The following ST6GALNAC3 variants were observed in gnomAD, a reference collection of about 807,000 sequenced individuals.
The protein encoded by ST6GALNAC3 is alpha-N-acetylgalactosaminide alpha-2,6-sialyltransferase 3.
ST6GALNAC3 carries 25 observed loss-of-function variants against 32.7 expected under a neutral mutation model. The observed-to-expected ratio is 0.76, with a 90% CI of 0.56 to 1.07. ST6GALNAC3 has a LOEUF of 1.07. Ranked by LOEUF, ST6GALNAC3 falls within the 50% of genes least tolerant of loss-of-function variation. The probability of loss-of-function intolerance (pLI) is 0.00; values close to 1 mark genes in which losing one functional copy is unlikely to be tolerated. For missense variants in ST6GALNAC3, 355 were observed against 382.4 expected (o/e 0.93, Z 0.60); for synonymous variants, 129 against 133.1 (o/e 0.97, Z 0.21).
chr1:76,114,160 A>G (rs959841392), intron 1 of ST6GALNAC3, among the ~76,000 whole-genome samples: 4 of 152,062 alleles, frequency 2.6e-5, no homozygotes, highest in South Asian at 2.1e-4. Flanking sequence ...TGAAATTTCT[A>G]TCCTAAAACA....
At chr1:76,588,059 C>A (rs954399560) in intron 3 of ST6GALNAC3, among the ~76,000 whole-genome samples, 1 of 152,066 alleles carries the variant, frequency 6.6e-6, no homozygotes, top group African/African-American at 2.4e-5. Context: ...CCATTTTTAC[C>A]GGCAGCCAGT....
chr1:76,259,103 G>T (rs1658084628), intron 1 of ST6GALNAC3, among the ~76,000 whole-genome samples: 2 of 152,086 alleles, frequency 1.3e-5, no homozygotes. Flanking sequence ...TGCATGTTCT[G>T]AAAGAATACA....
intron 1 of ST6GALNAC3, among the ~76,000 whole-genome samples, chr1:76,206,688 G>A (rs1320990793): frequency 2.0e-5 from 3 of 151,768 alleles, no homozygotes; most frequent in Non-Finnish European, 2.9e-5. Flanking sequence ...AGCTGAGATC[G>A]CGCCACTGCA....
At chr1:76,095,593 G>A (rs913304037) in intron 1 of ST6GALNAC3, among the ~76,000 whole-genome samples, 1 of 152,150 alleles carries the variant, frequency 6.6e-6, no homozygotes, top group Non-Finnish European at 1.5e-5. Context: ...GAAAATGAAG[G>A]CAAAGCTGCC....
intron 3 of ST6GALNAC3, among the ~76,000 whole-genome samples, chr1:76,553,899 T>G (rs1405158218): frequency 1.3e-5 from 2 of 152,152 alleles, no homozygotes; most frequent in Non-Finnish European, 2.9e-5. Flanking sequence ...CTAATTACAC[T>G]CACGTATTCA....
intron 1 of ST6GALNAC3, among the ~76,000 whole-genome samples, chr1:76,168,274 T>C (rs765887340): frequency 6.6e-6 from 1 of 152,222 alleles, no homozygotes; most frequent in Non-Finnish European, 1.5e-5. Context: ...AGTTATTCAA[T>C]TTTCATGTAA....
intron 1 of ST6GALNAC3, among the ~76,000 whole-genome samples, chr1:76,170,419 C>T (rs932379353): frequency 6.6e-6 from 1 of 152,090 alleles, no homozygotes; most frequent in East Asian, 1.9e-4. Flanking sequence ...TTCTCTGTGC[C>T]CCATAAGCAG....
At chr1:76,154,332 A>C (rs1191454740) in intron 1 of ST6GALNAC3, among the ~76,000 whole-genome samples, 1 of 152,050 alleles carries the variant, frequency 6.6e-6, no homozygotes, top group Non-Finnish European at 1.5e-5. Context: ...TCTTAAAGCA[A>C]TCGTACTGGG....
intron 1 of ST6GALNAC3, among the ~76,000 whole-genome samples, chr1:76,184,129 T>C (rs1323796446): frequency 6.6e-6 from 1 of 152,094 alleles, no homozygotes; most frequent in Non-Finnish European, 1.5e-5. Flanking sequence ...ATTAACTGTG[T>C]TATTGATTAC....
chr1:76,465,141 G>A (rs1658542830), intron 3 of ST6GALNAC3, among the ~76,000 whole-genome samples: 2 of 152,146 alleles, frequency 1.3e-5, no homozygotes, highest in African/African-American at 4.8e-5. Context: ...AAAGGACCTG[G>A]GGAACCCCCA....
At chr1:76,121,936 A>G (rs921279518) in intron 1 of ST6GALNAC3, among the ~76,000 whole-genome samples, 4 of 152,162 alleles carry the variant, frequency 2.6e-5, no homozygotes, top group African/African-American at 9.7e-5. Flanking sequence ...TACCTGGAAC[A>G]TGCCTGGAAT....
chr1:76,356,297 A>C (rs1261660290), intron 2 of ST6GALNAC3, among the ~76,000 whole-genome samples: 1 of 152,196 alleles, frequency 6.6e-6, no homozygotes, highest in Non-Finnish European at 1.5e-5. Context: ...GAAGCAGGCA[A>C]TTCATTTTGA....
chr1:76,325,984 G>A (rs1647061502), intron 2 of ST6GALNAC3, among the ~76,000 whole-genome samples: 1 of 151,910 alleles, frequency 6.6e-6, no homozygotes, highest in Non-Finnish European at 1.5e-5. Flanking sequence ...TTAAGTAGAT[G>A]GGAAATCTTG....
intron 2 of ST6GALNAC3, among the ~76,000 whole-genome samples, chr1:76,338,712 CT>C (rs35590212): frequency 0.11 from 15,843 of 150,178 alleles, 694 homozygotes; most frequent in Non-Finnish European, 0.13. Context: ...ACCCCCACCC[CT>C]AATGAAGAAT....
intron 3 of ST6GALNAC3, among the ~76,000 whole-genome samples, chr1:76,624,535 G>C (rs1028485841): frequency 1.3e-5 from 2 of 151,868 alleles, no homozygotes; most frequent in Non-Finnish European, 2.9e-5. Context: ...ATGTCACAAA[G>C]AGGATCTTCC....
intron 3 of ST6GALNAC3, among the ~76,000 whole-genome samples, chr1:76,589,674 G>A (rs1647017814): frequency 1.3e-5 from 2 of 151,690 alleles, no homozygotes; most frequent in Non-Finnish European, 2.9e-5. Flanking sequence ...GGCTACTTGA[G>A]TAATATTAAG....
intron 1 of ST6GALNAC3, among the ~76,000 whole-genome samples, chr1:76,224,257 TTTATC>T (rs1264384053): frequency 6.6e-5 from 10 of 152,172 alleles, no homozygotes; most frequent in African/African-American, 2.2e-4. Context: ...ATGCTGCTCT[TTTATC>T]TTTTCTCCTC....
chr1:76,635,823 A>C (rs1047815497), downstream of ST6GALNAC3, among the ~76,000 whole-genome samples: 1 of 152,040 alleles, frequency 6.6e-6, no homozygotes, highest in Non-Finnish European at 1.5e-5. Flanking sequence ...TTGTGCTGGA[A>C]GGTTTTATGG....
intron 3 of ST6GALNAC3, among the ~76,000 whole-genome samples, chr1:76,469,478 G>T (rs1399542943): frequency 6.6e-6 from 1 of 152,080 alleles, no homozygotes; most frequent in East Asian, 1.9e-4. Context: ...AGCTAATCCA[G>T]TTAAAAGTAT....
Sources: gnomAD v4.1 joint callset for allele counts (sites outside exome capture counted in the v4.1 genomes callset) on GRCh38, gnomAD v4.1.1 for gene constraint, MANE v1.5 for transcripts, NCBI Gene and HGNC (gene_info 2026-07-23, HGNC 2026-07-21) for gene names.